SYNPR: variants seen among roughly 807,000 people sequenced by gnomAD.
The protein encoded by SYNPR is synaptoporin.
Under a neutral mutation model 32.9 loss-of-function variants are expected in SYNPR, and 23 were observed. The observed-to-expected ratio is 0.70, with a 90% CI of 0.50 to 0.99. SYNPR has a LOEUF of 0.99. SYNPR is among the 50% of genes least tolerant of loss of function. The pLI, the probability that SYNPR is intolerant of heterozygous loss-of-function variation, is 0.00. For synonymous variants in SYNPR, 146 were observed against 135.9 expected, an observed-to-expected ratio of 1.07 and a Z score of -0.52; for missense variants, 318 against 349.3, an observed-to-expected ratio of 0.91 and a Z score of 0.71.
intron 2 of SYNPR, among the ~76,000 whole-genome samples, chr3:63,290,501 G>A (rs1282413702): frequency 6.6e-6 from 1 of 152,078 alleles, no homozygotes; most frequent in African/African-American, 2.4e-5. Flanking sequence ...TACCTTCTCA[G>A]TGACCTTTTT....
chr3:63,471,470 T>C (rs919011822), intron 2 of SYNPR, among the ~76,000 whole-genome samples: 3 of 152,154 alleles, frequency 2.0e-5, no homozygotes, highest in East Asian at 1.9e-4. Context: ...AGAAAATGAC[T>C]GGTCAATTTC....
At chr3:63,237,446 G>A (rs568851741) in intron 1 of SYNPR, among the ~76,000 whole-genome samples, 7 of 151,762 alleles carry the variant, frequency 4.6e-5, no homozygotes, top group African/African-American at 7.3e-5. Flanking sequence ...TTTCATGTGC[G>A]TCAAGAGAAT....
chr3:63,463,439 C>T (rs1366969541), intron 2 of SYNPR, among the ~76,000 whole-genome samples: 1 of 152,026 alleles, frequency 6.6e-6, no homozygotes, highest in East Asian at 1.9e-4. Flanking sequence ...CTGGAAAGTT[C>T]CTTGGAAATA....
intron 2 of SYNPR, among the ~76,000 whole-genome samples, chr3:63,262,107 C>A (rs1268257398): frequency 1.4e-4 from 21 of 148,980 alleles, no homozygotes; most frequent in South Asian, 2.1e-4. Context: ...TTCTTAAGGA[C>A]AAAAAAAAAA....
chr3:63,201,011 C>T, the SYNPR span, among the ~76,000 whole-genome samples: 1 of 152,110 alleles, frequency 6.6e-6, no homozygotes, highest in Non-Finnish European at 1.5e-5. Flanking sequence ...CTGGAAATTA[C>T]ACCTGGAAAT....
chr3:63,500,377 T>C (rs1385666918), intron 3 of SYNPR, among the ~76,000 whole-genome samples: 1 of 152,148 alleles, frequency 6.6e-6, no homozygotes, highest in Non-Finnish European at 1.5e-5. Flanking sequence ...GATCTGACTT[T>C]GGACTTGCCT....
intron 2 of SYNPR, among the ~76,000 whole-genome samples, chr3:63,345,646 C>T (rs2087427774): frequency 6.6e-6 from 1 of 152,058 alleles, no homozygotes; most frequent in Non-Finnish European, 1.5e-5. Flanking sequence ...TTGGCTGACT[C>T]CAACCCCAAC....
the SYNPR span, among the ~76,000 whole-genome samples, chr3:63,218,297 T>C: frequency 6.6e-6 from 1 of 152,232 alleles, no homozygotes; most frequent in Non-Finnish European, 1.5e-5. Flanking sequence ...AGCGTTTTGC[T>C]GTTTCCCCAT....
intron 2 of SYNPR, among the ~76,000 whole-genome samples, chr3:63,476,423 A>G (rs1296438148): frequency 2.0e-5 from 3 of 151,812 alleles, no homozygotes; most frequent in African/African-American, 7.3e-5. Context: ...AGAAGAAGGA[A>G]GGAAAGAAAG....
upstream of SYNPR, among the ~76,000 whole-genome samples, chr3:63,274,592 A>G (rs917138858): frequency 1.3e-5 from 2 of 152,206 alleles, no homozygotes; most frequent in African/African-American, 4.8e-5. Context: ...GGCTGAATGT[A>G]TTTCTTACTA....
intron 4 of SYNPR, among the ~76,000 whole-genome samples, chr3:63,601,843 T>C (rs972592309): frequency 6.6e-6 from 1 of 152,218 alleles, no homozygotes. Flanking sequence ...TTTGGGTATA[T>C]ACCCAATAAT....
At chr3:63,220,142 T>TA in the SYNPR span, among the ~76,000 whole-genome samples, 1 of 152,144 alleles carries the variant, frequency 6.6e-6, no homozygotes, top group Non-Finnish European at 1.5e-5. Context: ...TACAAATGTA[T>TA]AAGTGGAGGT....
chr3:63,434,693 G>C (rs1358423160), intron 2 of SYNPR, among the ~76,000 whole-genome samples: 1 of 152,054 alleles, frequency 6.6e-6, no homozygotes, highest in African/African-American at 2.4e-5. Context: ...TCATCTTCTG[G>C]TTCCATACCA....
chr3:63,248,324 G>C (rs1442710749), intron 1 of SYNPR, among the ~76,000 whole-genome samples: 1 of 152,086 alleles, frequency 6.6e-6, no homozygotes, highest in African/African-American at 2.4e-5. Flanking sequence ...CCTGGCACTT[G>C]GTATGGCTTC....
chr3:63,481,435 GTA>G (rs71636051), intron 3 of SYNPR, among the ~76,000 whole-genome samples: 328 of 147,656 alleles, frequency 2.2e-3, no homozygotes, highest in East Asian at 3.2e-3. Flanking sequence ...TATATTAAGT[GTA>G]TATATATATA....
chr3:63,274,415 G>A (rs79510283), upstream of SYNPR, among the ~76,000 whole-genome samples: 4,913 of 151,744 alleles, frequency 0.032, 239 homozygotes, highest in African/African-American at 0.11. Flanking sequence ...ATTTTCCTAT[G>A]AGAACAAGAT....
intron 4 of SYNPR, among the ~76,000 whole-genome samples, chr3:63,569,061 C>T (rs191394126): frequency 1.7e-3 from 254 of 152,204 alleles, no homozygotes; most frequent in African/African-American, 5.9e-3. Context: ...AAGAGTAAGA[C>T]GAAGTAACTC....
intron 2 of SYNPR, among the ~76,000 whole-genome samples, chr3:63,319,419 G>T (rs955060064): frequency 6.6e-6 from 1 of 151,922 alleles, no homozygotes; most frequent in African/African-American, 2.4e-5. Context: ...CTTCAGTAAA[G>T]TTGCAGGACA....
intron 2 of SYNPR, among the ~76,000 whole-genome samples, chr3:63,468,391 C>T (rs1700727229): frequency 1.3e-5 from 2 of 151,994 alleles, no homozygotes; most frequent in South Asian, 4.1e-4. Context: ...ATGAATGATT[C>T]TGGGTTGCTA....
Sources: gnomAD v4.1 joint callset for allele counts (sites outside exome capture counted in the v4.1 genomes callset) on GRCh38, gnomAD v4.1.1 for gene constraint, MANE v1.5 for transcripts, NCBI Gene and HGNC (gene_info 2026-07-23, HGNC 2026-07-21) for gene names.